Variants in DMD observed in about 807,000 individuals in gnomAD.
The protein encoded by DMD is mutant dystrophin.
A neutral mutation model predicts 330.1 loss-of-function variants in DMD; 63 were observed. That is an observed-to-expected ratio of 0.19 (90% CI 0.16 to 0.24). The LOEUF (loss-of-function observed/expected upper bound fraction) is 0.24. Among genes scored for constraint, DMD ranks in the 10% least tolerant of loss-of-function variants. DMD has a pLI of 1.00. For synonymous variants in DMD, 1,223 were observed against 959.8 expected (o/e 1.27, Z -5.07); for missense variants, 3,344 against 2,684.1 (o/e 1.25, Z -5.43).
chrX:32,896,000 G>T (rs1379900275), intron 2 of DMD, among the ~76,000 whole-genome samples: 5 of 111,191 alleles, frequency 4.5e-5, no homozygotes, highest in Admixed American at 1.9e-4. Flanking sequence ...TCTTGCCGAG[G>T]TTTAAATGAA....
intron 13 of DMD, among the ~76,000 whole-genome samples, chrX:32,589,757 C>T (rs769801723): frequency 9.0e-6 from 1 of 111,444 alleles, no homozygotes; most frequent in South Asian, 3.8e-4. Context: ...ATATGATATT[C>T]TAACTCCTCA....
chrX:32,585,414 C>T (rs1411736140), intron 13 of DMD, among the ~76,000 whole-genome samples: 1 of 110,876 alleles, frequency 9.0e-6, no homozygotes, highest in Non-Finnish European at 1.9e-5. Context: ...ATATTATTGG[C>T]CGGGTGGCCG....
At chrX:32,953,450 A>G (rs2091382478) in intron 2 of DMD, among the ~76,000 whole-genome samples, 1 of 112,359 alleles carries the variant, frequency 8.9e-6, no homozygotes, top group East Asian at 2.8e-4. Context: ...CTTTAAAAAA[A>G]TGATAAATAT....
At chrX:33,057,111 A>G (rs1423007746) in intron 1 of DMD, among the ~76,000 whole-genome samples, 1 of 112,004 alleles carries the variant, frequency 8.9e-6, no homozygotes, top group Non-Finnish European at 1.9e-5. Flanking sequence ...GTATTCTGGG[A>G]AATTCCATAT....
chrX:32,683,387 T>C (rs969292948), intron 9 of DMD, among the ~76,000 whole-genome samples: 2 of 109,711 alleles, frequency 1.8e-5, no homozygotes, highest in Non-Finnish European at 3.8e-5. Context: ...AGACTTGGAA[T>C]CAACCCAAAT....
chrX:32,571,558 C>T (rs866659754), intron 15 of DMD, among the ~76,000 whole-genome samples: 36 of 111,788 alleles, frequency 3.2e-4, no homozygotes, highest in South Asian at 1.5e-3. Flanking sequence ...CTACACAATC[C>T]CTCAGAAGCA....
In DMD at chrX:33,070,574, T is replaced by G. The variant is rs1254464255; in HGVS notation, c.32-50374A>C. ...AAAAATTAAAAAAGAGTATTTTATT[T>G]TTGTATAATTAAAAAATCTAGTTCC... On this transcript the variant is annotated intron_variant, in intron 1 of 78. Coordinates refer to ENST00000357033, the MANE Select transcript of DMD (RefSeq NM_004006.3). Among the ~76,000 whole-genome samples the G allele has an allele frequency of 2.8e-5, 3 of 106,346 alleles. No homozygotes were observed. In the East Asian group the frequency reaches 8.8e-4, roughly 31 times the overall value. The allele number at this position is 106,346 out of a possible 115,157, so 92.3% of individuals were successfully genotyped here. A position where few individuals can be genotyped will look rare whatever the true frequency, so the allele number is the denominator to read the frequency against.
intron 74 of DMD, among the ~76,000 whole-genome samples, chrX:31,153,843 A>G (rs2037757376): frequency 8.9e-6 from 1 of 112,419 alleles, no homozygotes; most frequent in Non-Finnish European, 1.9e-5. Flanking sequence ...GAGATAGGAC[A>G]AGCTGTCATG....
chrX:32,821,340 T>C (rs188900101), intron 5 of DMD, among the ~76,000 whole-genome samples: 1,742 of 110,917 alleles, frequency 0.016, 41 homozygotes, highest in African/African-American at 0.054. Flanking sequence ...ATCCCAGCAC[T>C]TTGGGAGGCC....
chrX:31,317,381 T>A lies in DMD; in HGVS notation c.9224+6217A>T, dbSNP rs898951438. ...GATCTTACCAGAAATAGCACAAAATTATATACTACATGATGTGTTCACATT... is the reference window on the plus strand; with the variant it reads ...GATCTTACCAGAAATAGCACAAAATAATATACTACATGATGTGTTCACATT... On this transcript the variant is annotated intron_variant, in intron 62 of 78. Coordinates refer to ENST00000357033, the MANE Select transcript of DMD (RefSeq NM_004006.3). 4.5e-5 allele frequency among the ~76,000 whole-genome samples: 5 copies of A among 111,574 alleles called. No individual in the cohort carries two copies. The East Asian group carries it at 1.4e-3, about 31-fold the overall frequency.
At chrX:32,722,631 C>T (rs73458829) in intron 7 of DMD, among the ~76,000 whole-genome samples, 1,616 of 110,815 alleles carry the variant, frequency 0.015, 31 homozygotes, top group African/African-American at 0.049. Context: ...ATTTGTTCCT[C>T]AATGTTTTAT....
rs72626066 is a variant in DMD, at chrX:32,958,858, A to T, written c.93+61281T>A. ...TTACATTATTACGATTGCAATATACATTATTACCAACCTGCTATTTAGGAG... is the reference window on the plus strand; with the variant it reads ...TTACATTATTACGATTGCAATATACTTTATTACCAACCTGCTATTTAGGAG... On this transcript the variant is annotated intron_variant, in intron 2 of 78. Transcript: ENST00000357033. Among the ~76,000 whole-genome samples the T allele has an allele frequency of 1.9e-4, 21 of 110,782 alleles. No homozygotes were observed. In the East Asian group the frequency reaches 5.7e-3, roughly 30 times the overall value.
At position 32,856,316 on chromosome X, in the gene DMD, C is replaced by T. The variant is rs189591503; in HGVS notation, c.94-6496G>A. 1.7e-4 allele frequency among the ~76,000 whole-genome samples: 19 copies of T among 111,553 alleles called. No individual in the cohort carries two copies. In the East Asian group the frequency reaches 3.4e-3, roughly 20 times the overall value. Reference sequence around the variant, plus strand: ...AGCAATCCTACTGCCGGGTATATACCCAAAAGAAAGGAAATCAGTTTGTCA... The same window carrying T: ...AGCAATCCTACTGCCGGGTATATACTCAAAAGAAAGGAAATCAGTTTGTCA... On this transcript the variant is annotated intron_variant, in intron 2 of 78. Coordinates refer to ENST00000357033, the MANE Select transcript of DMD (RefSeq NM_004006.3).
intron 44 of DMD, among the ~76,000 whole-genome samples, chrX:32,135,424 T>C (rs1394870336): frequency 8.9e-6 from 1 of 112,859 alleles, no homozygotes; most frequent in Non-Finnish European, 1.9e-5. Context: ...GCATCTTTTA[T>C]TAGCTATTTA....
chrX:31,147,017 C>G (rs1358336638), intron 75 of DMD, among the ~76,000 whole-genome samples: 2 of 111,633 alleles, frequency 1.8e-5, no homozygotes, highest in African/African-American at 3.3e-5. Context: ...AACCTTTAGG[C>G]GTTTTTTTCC....
At chrX:32,027,224 G>A (rs1176278677) in intron 44 of DMD, among the ~76,000 whole-genome samples, 2 of 105,638 alleles carry the variant, frequency 1.9e-5, no homozygotes, top group Non-Finnish European at 3.9e-5. Flanking sequence ...GAAGGCTGGG[G>A]AGAGAGAGAG....
intron 1 of DMD, among the ~76,000 whole-genome samples, chrX:33,104,747 C>T (rs1026152113): frequency 9.0e-6 from 1 of 111,657 alleles, no homozygotes; most frequent in Admixed American, 9.5e-5. Flanking sequence ...CACAGACGCC[C>T]AAGTAAGAAA....
intron 67 of DMD, among the ~76,000 whole-genome samples, chrX:31,185,768 TTTTTTG>T (rs1235131615): frequency 1.0e-5 from 1 of 99,145 alleles, no homozygotes; most frequent in African/African-American, 3.8e-5. Flanking sequence ...GCTTAATATG[TTTTTTG>T]TTTTTTTTTT....
chrX:32,763,739 C>G (rs944867980), intron 7 of DMD, among the ~76,000 whole-genome samples: 1 of 111,704 alleles, frequency 9.0e-6, no homozygotes, highest in African/African-American at 3.2e-5. Flanking sequence ...ACGTCAAATT[C>G]CAATTAACAT....
Sources: allele counts gnomAD v4.1 joint callset (sites outside exome capture counted in the v4.1 genomes callset), GRCh38; gene constraint gnomAD v4.1.1; transcripts MANE v1.5; gene names NCBI Gene and HGNC (gene_info 2026-07-23, HGNC 2026-07-21).